Variants in CISD3 observed in about 807,000 individuals in gnomAD.
CISD3 encodes the protein CDGSH iron sulfur domain 3, also known as CDGSH iron-sulfur domain-containing protein 3, mitochondrial.
Under a neutral mutation model 14.1 loss-of-function variants are expected in CISD3, and 11 were observed. That is an observed-to-expected ratio of 0.78 (90% CI 0.49 to 1.29). The LOEUF (loss-of-function observed/expected upper bound fraction) is 1.29. CISD3 is among the 50% of genes most tolerant of loss of function. CISD3 has a pLI of 0.00. For missense variants in CISD3, 156 were observed against 171.6 expected, an observed-to-expected ratio of 0.91 and a Z score of 0.51; for synonymous variants, 53 against 69.2, an observed-to-expected ratio of 0.77 and a Z score of 1.16.
In CISD3 at chr17:38,735,173, G is replaced by A. The variant is rs1906583427; in HGVS notation, c.*1718G>A. The stretch of plus-strand genomic sequence containing the variant: ...AGGTGGAAAAAAGGGCCCAGAAAAA[G>A]TGGAAGGAGTGGAGAGGCTTGGCTG... On this transcript the variant is annotated 3_prime_UTR_variant, in exon 4 of 4. Coordinates refer to ENST00000613478, the MANE Select transcript of CISD3 (RefSeq NM_001136498.2). 7.7e-7 allele frequency: 1 copy of A among 1,295,634 alleles called. No homozygotes were observed. The highest frequency in any genetic ancestry group is 2.7e-5 in the South Asian group (1 of 37,642). The allele number at this position is 1,295,634 out of a possible 1,614,324, so 80.3% of individuals were successfully genotyped here.
chr17:38,730,909 GC>G, intron 2 of CISD3, 114 bp downstream of exon 2: 1 of 1,183,104 alleles, frequency 8.5e-7, no homozygotes, highest in Non-Finnish European at 1.2e-6. Flanking sequence ...CCTGGAGTTA[GC>G]CCGTGGCTCT....
Position 38,730,401 on chromosome 17 carries a change from G to T in CISD3, c.43G>T (p.Ala15Ser). Reference protein sequence around the residue: ...GAILRPAARGARDLNPRRDIS... With the variant: ...GAILRPAARGSRDLNPRRDIS... The stretch of plus-strand genomic sequence containing the variant: ...GATCCTGCGGCCGGCGGCGCGTGGT[G>T]CCCGGGTGAGCACCCCCGCCCTGCA... The change falls in exon 1 of 4, where the codon GCC (alanine) becomes TCC (serine). Residue 15 changes from alanine (A) to serine (S), a missense_variant. By Grantham distance (99) the Ala-to-Ser change is moderately conservative (BLOSUM62 1). Transcript: ENST00000613478. 1 of 1,217,530 alleles carries T rather than the reference G, an allele frequency of 8.2e-7. No individual in the cohort carries two copies. The highest frequency in any genetic ancestry group is 1.0e-6 in the Non-Finnish European group (1 of 977,840). The allele number at this position is 1,217,530 out of a possible 1,614,324, so 75.4% of individuals were successfully genotyped here. A position where few individuals can be genotyped will look rare whatever the true frequency, so the allele number is the denominator to read the frequency against.
chr17:38,731,264 G>T lies in CISD3; in HGVS notation c.85-56G>T, dbSNP rs1053650880. On this transcript the variant is annotated intron_variant, in intron 2 of 3. Transcript: ENST00000613478. ...GGAAACTAGGAAGGGTCGCAGGCCG[G>T]ACGGTGCTTCCAGGGCTTGAGCTAA... The T allele has an allele frequency of 1.9e-6, 3 of 1,540,140 alleles. No homozygotes were observed. In the Admixed American group the frequency reaches 6.0e-5, roughly 31 times the overall value.
At chr17:38,733,229 C>CCTGCT (rs1426648478) in intron 3 of CISD3, 47 bp from the exon 4 acceptor site, 8 of 1,546,092 alleles carry the variant, frequency 5.2e-6, no homozygotes, top group Non-Finnish European at 6.1e-6. Flanking sequence ...CCTGCCCTGC[C>CCTGCT]CCAGCAGGTG....
At position 38,730,369 on chromosome 17, in the gene CISD3, C is replaced by CG; in HGVS notation, c.16dup (p.Ala6GlyfsTer29). The CG allele has an allele frequency of 7.6e-6, 9 of 1,181,898 alleles. No homozygotes were observed. Among genetic ancestry groups the CG allele is most frequent in the Non-Finnish European group, 9.4e-6 (9 of 956,214 alleles). The allele number at this position is 1,181,898 out of a possible 1,614,324, so 73.2% of individuals were successfully genotyped here. Reference sequence around the variant, plus strand: ...GCGCGGGAGGCGACCATGCGCGGCGCGGGGGCGATCCTGCGGCCGGCGGCG... The same window carrying CG: ...GCGCGGGAGGCGACCATGCGCGGCGCGGGGGGCGATCCTGCGGCCGGCGGCG... On this transcript the variant is annotated frameshift_variant, in exon 1 of 4. Coordinates refer to ENST00000613478, the MANE Select transcript of CISD3 (RefSeq NM_001136498.2). LOFTEE classifies it high-confidence loss of function.
intron 2 of CISD3, 136 bp downstream of exon 2, chr17:38,730,931 G>A (rs1424051002): frequency 2.1e-6 from 2 of 972,358 alleles, no homozygotes; most frequent in East Asian, 2.6e-5. Context: ...CAGGGAGGTG[G>A]GGCGGACCAG....
At position 38,735,214 on chromosome 17, in the gene CISD3, T is replaced by G. The variant is rs377749543; in HGVS notation, c.*1759T>G. On this transcript the variant is annotated 3_prime_UTR_variant, in exon 4 of 4. Transcript: ENST00000613478. The stretch of plus-strand genomic sequence containing the variant: ...GGCTTGGCTGGAAGAAGGGAGAGGG[T>G]CCCTGGCCTCAAGTTAAGGGGGGCA... 2 of 1,396,522 alleles carry G rather than the reference T, an allele frequency of 1.4e-6. No homozygotes were observed. The highest frequency in any genetic ancestry group is 1.9e-6 in the Non-Finnish European group (2 of 1,065,098). The allele number at this position is 1,396,522 out of a possible 1,614,324, so 86.5% of individuals were successfully genotyped here.
chr17:38,732,264 C>G (rs1906365752), intron 3 of CISD3, among the ~76,000 whole-genome samples: 4 of 152,322 alleles, frequency 2.6e-5, no homozygotes, highest in South Asian at 2.1e-4. Context: ...ACCTCAAGCC[C>G]TCTAAGACAA....
At chr17:38,731,708 C>A in intron 3 of CISD3, 1 of 469,312 alleles carries the variant, frequency 2.1e-6, no homozygotes, top group Non-Finnish European at 3.9e-6. Context: ...GTTTGTTTCT[C>A]AGAGGTGCAC....
In CISD3 at chr17:38,734,020, C is replaced by T. The variant is rs1188992763; in HGVS notation, c.*565C>T. On this transcript the variant is annotated 3_prime_UTR_variant, in exon 4 of 4. Coordinates refer to ENST00000613478, the MANE Select transcript of CISD3 (RefSeq NM_001136498.2). ...ACACAGACAAGCCCATCAGGGGGCT[C>T]CCAACCCCACACACCTACGCTATGA... 6.5e-6 allele frequency: 1 copy of T among 152,890 alleles called. No individual in the cohort carries two copies. The highest frequency in any genetic ancestry group is 2.4e-5 in the African/African-American group (1 of 41,586). The allele number at this position is 152,890 out of a possible 1,614,324, so 9.5% of individuals were successfully genotyped here.
chr17:38,733,382 A>G lies in CISD3; in HGVS notation c.311A>G (p.Gln104Arg). 1 of 1,551,716 alleles carries G rather than the reference A, an allele frequency of 6.4e-7. No homozygotes were observed. Among genetic ancestry groups the G allele is most frequent in the Non-Finnish European group, 8.7e-7 (1 of 1,146,974 alleles). ...GCACTCTGTACCTGCAAGGCCACTC[A>G]GAGGCCCCCGTACTGCGATGGCACC... Reference protein sequence around the residue: ...MVALCTCKATQRPPYCDGTHR... With the variant: ...MVALCTCKATRRPPYCDGTHR... Residue 104 changes from glutamine (Q) to arginine (R), a missense_variant, in exon 4 of 4, where the codon CAG becomes CGG. By Grantham distance (43) the Gln-to-Arg change is conservative. Coordinates refer to ENST00000613478, the MANE Select transcript of CISD3 (RefSeq NM_001136498.2).
Position 38,735,598 on chromosome 17 carries a change from G to A in CISD3, c.*2143G>A, listed in dbSNP as rs772288300. The A allele has an allele frequency of 7.6e-5, 118 of 1,559,632 alleles. No individual in the cohort carries two copies. The highest frequency in any genetic ancestry group is 1.9e-4 in the Middle Eastern group (1 of 5,198). ...CACGGTACTTGAGGGGGAGAGGCCC[G>A]TTCTGCGGGGAGAGTGGGGAGGAGA... On this transcript the variant is annotated 3_prime_UTR_variant, in exon 4 of 4. Coordinates refer to ENST00000613478, the MANE Select transcript of CISD3 (RefSeq NM_001136498.2).
chr17:38,731,766 G>T (rs558011985), intron 3 of CISD3: 11 of 288,020 alleles, frequency 3.8e-5, no homozygotes, highest in Non-Finnish European at 6.7e-5. Flanking sequence ...TCCAGGAAGC[G>T]CCTGGGCCAC....
intron 3 of CISD3, chr17:38,731,667 GGCCA>G: frequency 1.8e-6 from 1 of 568,972 alleles, no homozygotes; most frequent in Non-Finnish European, 3.1e-6. Context: ...AGCCTGGTGT[GGCCA>G]GGCTTCCAGT....
intron 2 of CISD3, 65 bp from the exon 3 acceptor site, chr17:38,731,255 C>T (rs1906320986): frequency 2.6e-6 from 4 of 1,531,694 alleles, no homozygotes; most frequent in African/African-American, 1.4e-5. Flanking sequence ...TAGGAAGGGT[C>T]GCAGGCCGGA....
intron 3 of CISD3, among the ~76,000 whole-genome samples, chr17:38,732,339 A>G (rs1418365759): frequency 6.6e-6 from 1 of 152,174 alleles, no homozygotes; most frequent in African/African-American, 2.4e-5. Context: ...TCCAATGTCA[A>G]GAGGCCTTGG....
chr17:38,734,956 A>C lies in CISD3; in HGVS notation c.*1501A>C, dbSNP rs1159653140. On this transcript the variant is annotated 3_prime_UTR_variant, in exon 4 of 4. Transcript: ENST00000613478. The stretch of plus-strand genomic sequence containing the variant: ...AGCAAATTACACAAGACCCCCCCCA[A>C]AAAAAATGAACACCATTTTCCACAC... 8.0e-5 allele frequency: 20 copies of C among 250,066 alleles called. No homozygotes were observed. Among genetic ancestry groups the C allele is most frequent in the Non-Finnish European group, 7.5e-5 (10 of 132,596 alleles). 15.5% of individuals were successfully genotyped at this position (250,066 alleles called of 1,614,324 possible).
rs1906436582 is a variant in CISD3, at chr17:38,733,413, G to C, written c.342G>C (p.Arg114Ser). The change falls in exon 4 of 4, where the codon AGG (arginine) becomes AGC (serine). Residue 114 changes from arginine to serine, a missense_variant. Coordinates refer to ENST00000613478, the MANE Select transcript of CISD3 (RefSeq NM_001136498.2). ...CCCCGTACTGCGATGGCACCCACAG[G>C]AGTGAGCGCGTGCAGAAGGCAGAAG... ...QRPPYCDGTH[R>S]SERVQKAEVG... is the part of the protein sequence containing the mutation. The C allele has an allele frequency of 1.3e-6, 2 of 1,550,452 alleles. No individual in the cohort carries two copies. The highest frequency in any genetic ancestry group is 2.4e-5 in the South Asian group (2 of 84,034).
intron 2 of CISD3, among the ~76,000 whole-genome samples, 154 bp downstream of exon 2, chr17:38,730,949 T>G (rs1906306445): frequency 6.6e-6 from 1 of 152,208 alleles, no homozygotes; most frequent in Non-Finnish European, 1.5e-5. Context: ...CAGAGGGCAC[T>G]GGGCAGGGCG....
Sources: gnomAD v4.1 joint callset for allele counts (sites outside exome capture counted in the v4.1 genomes callset) on GRCh38, gnomAD v4.1.1 for gene constraint, MANE v1.5 for transcripts, NCBI Gene and HGNC (gene_info 2026-07-23, HGNC 2026-07-21) for gene names.